Variants in BCL2L11 observed in about 807,000 individuals in gnomAD.
The protein encoded by BCL2L11 is bcl-2-like protein 11.
A neutral mutation model predicts 20.6 loss-of-function variants in BCL2L11; 15 were observed. That is an observed-to-expected ratio of 0.73 (90% CI 0.49 to 1.12). The LOEUF (loss-of-function observed/expected upper bound fraction) is 1.12, where lower values mean the gene tolerates loss of function less well. Ranked by LOEUF, BCL2L11 falls within the 50% of genes most tolerant of loss-of-function variation. The pLI is 0.00. For synonymous variants in BCL2L11, 108 were observed against 92.8 expected, an observed-to-expected ratio of 1.16 and a Z score of -0.94; for missense variants, 292 against 260.9, an observed-to-expected ratio of 1.12 and a Z score of -0.82.
At chr2:111,139,431 T>C (rs1477179926) in intron 2 of BCL2L11, among the ~76,000 whole-genome samples, 1 of 152,256 alleles carries the variant, frequency 6.6e-6, no homozygotes, top group East Asian at 1.9e-4. Flanking sequence ...ACGTACTTTT[T>C]CCCAAAATAA....
Position 111,141,785 on chromosome 2 carries a change from G to A in BCL2L11, c.395-8259G>A, listed in dbSNP as rs10207934. Reference sequence around the variant, plus strand: ...GCCATCTGAGCTCACTGCAATCTCCGCCTCCCAGGTTCACGCGATTCTCCT... The same window carrying A: ...GCCATCTGAGCTCACTGCAATCTCCACCTCCCAGGTTCACGCGATTCTCCT... On this transcript the variant is annotated intron_variant, in intron 2 of 3. Coordinates refer to ENST00000393256, the MANE Select transcript of BCL2L11 (RefSeq NM_138621.5). Among the ~76,000 whole-genome samples, 1,463 of 150,112 alleles carry A rather than the reference G, an allele frequency of 9.7e-3. 31 individuals are homozygous for A. Among genetic ancestry groups the A allele is most frequent in the African/African-American group, 0.034 (1,371 of 40,712 alleles).
intron 2 of BCL2L11, chr2:111,144,548 G>C: frequency 6.5e-7 from 1 of 1,549,266 alleles, no homozygotes; most frequent in Non-Finnish European, 8.7e-7. Flanking sequence ...ACATAAGGGG[G>C]CTGGTCTGTT....
chr2:111,139,014 G>A (rs1432594606), intron 2 of BCL2L11, among the ~76,000 whole-genome samples: 1 of 152,166 alleles, frequency 6.6e-6, no homozygotes, highest in African/African-American at 2.4e-5. Context: ...ACTGCTTTCC[G>A]TGGAAAGGAG....
intron 2 of BCL2L11, chr2:111,130,261 C>T: frequency 3.7e-6 from 1 of 269,304 alleles, no homozygotes; most frequent in Non-Finnish European, 7.5e-6. Flanking sequence ...CGTACCACCA[C>T]ACCCAGCTAA....
At chr2:111,133,063 T>G (rs2074245899) in intron 2 of BCL2L11, among the ~76,000 whole-genome samples, 2 of 152,230 alleles carry the variant, frequency 1.3e-5, no homozygotes, top group Non-Finnish European at 1.5e-5. Flanking sequence ...GAAAACAGAT[T>G]CTTAACTGAA....
At chr2:111,130,252 G>A in intron 2 of BCL2L11, 2 of 281,262 alleles carry the variant, frequency 7.1e-6, no homozygotes, top group Non-Finnish European at 1.4e-5. Flanking sequence ...TTACAGGCAC[G>A]TACCACCACA....
chr2:111,142,881 T>A (rs779840986), intron 2 of BCL2L11, among the ~76,000 whole-genome samples: 3 of 152,234 alleles, frequency 2.0e-5, no homozygotes, highest in Non-Finnish European at 2.9e-5. Flanking sequence ...TACAGTAACT[T>A]CAAATTAAGC....
chr2:111,164,073 C>A, intron 3 of BCL2L11, 60 bp from the exon 4 acceptor site: 1 of 652,616 alleles, frequency 1.5e-6, no homozygotes. Flanking sequence ...ATATGGGCTC[C>A]CACCCCTCCC....
At chr2:111,160,285 C>T (rs2078399363) in intron 3 of BCL2L11, among the ~76,000 whole-genome samples, 1 of 152,124 alleles carries the variant, frequency 6.6e-6, no homozygotes, top group South Asian at 2.1e-4. Flanking sequence ...GGTTTTTTTC[C>T]CTCTCATTTT....
At chr2:111,147,177 A>C (rs182660586) in intron 2 of BCL2L11, among the ~76,000 whole-genome samples, 55 of 152,320 alleles carry the variant, frequency 3.6e-4, no homozygotes, top group Admixed American at 1.0e-3. Context: ...ATCTTTGCTT[A>C]ATACAACTCT....
chr2:111,153,387 T>A (rs186033228), intron 3 of BCL2L11, among the ~76,000 whole-genome samples: 1 of 151,654 alleles, frequency 6.6e-6, no homozygotes, highest in African/African-American at 2.4e-5. Flanking sequence ...AAAAAAAAAA[T>A]AGTTCAAAAC....
chr2:111,122,228 A>T (rs973470629), intron 1 of BCL2L11, among the ~76,000 whole-genome samples: 2 of 152,226 alleles, frequency 1.3e-5, no homozygotes, highest in African/African-American at 4.8e-5. Context: ...GGCCAAAACA[A>T]GGACAAGTGG....
At chr2:111,151,991 GT>G in intron 3 of BCL2L11, 1 of 1,058,652 alleles carries the variant, frequency 9.4e-7, no homozygotes, top group Non-Finnish European at 1.4e-6. Flanking sequence ...GGATTTTGGT[GT>G]TCCTGTGTGT....
At chr2:111,126,074 T>C (rs1326171803) in intron 2 of BCL2L11, among the ~76,000 whole-genome samples, 1 of 152,182 alleles carries the variant, frequency 6.6e-6, no homozygotes, top group African/African-American at 2.4e-5. Flanking sequence ...TTAAGCTATT[T>C]TCTCTAACCA....
At chr2:111,130,109 C>CTTTT in intron 2 of BCL2L11, 120 of 340,880 alleles carry the variant, frequency 3.5e-4, no homozygotes, top group South Asian at 4.5e-4. Context: ...TTTTACTTCT[C>CTTTT]TTTTTTTTTT....
At chr2:111,157,590 G>C (rs1296660293) in intron 3 of BCL2L11, among the ~76,000 whole-genome samples, 2 of 152,142 alleles carry the variant, frequency 1.3e-5, no homozygotes, top group Non-Finnish European at 2.9e-5. Flanking sequence ...TTGTTCCCCA[G>C]TTTAGCCAGC....
At chr2:111,164,094 T>TA in intron 3 of BCL2L11, 39 bp from the exon 4 acceptor site, 9 of 565,948 alleles carry the variant, frequency 1.6e-5, no homozygotes, top group Non-Finnish European at 2.4e-5. Flanking sequence ...CACCCCCAAA[T>TA]TAGGGAGAAA....
rs1553483233 is a variant in BCL2L11, at chr2:111,120,979, T to TGCCGCCGCCGCCGCTGCC, written c.-209_-208insTGCCGCCGCCGCCGCCGC. ...GCTCTGCGTCCAGCGCCGCTGCCGC[T>TGCCGCCGCCGCCGCTGCC]GCCGCCGCCGCCGCCGCCGCCGCCG... On this transcript the variant is annotated 5_prime_UTR_variant, in exon 1 of 4. Coordinates refer to ENST00000393256, the MANE Select transcript of BCL2L11 (RefSeq NM_138621.5). 4 of 305,242 alleles carry TGCCGCCGCCGCCGCTGCC rather than the reference T, an allele frequency of 1.3e-5. No homozygotes were observed. The highest frequency in any genetic ancestry group is 9.5e-5 in the African/African-American group (4 of 42,286). 18.9% of individuals were successfully genotyped at this position (305,242 alleles called of 1,614,324 possible). A position where few individuals can be genotyped will look rare whatever the true frequency, so the allele number is the denominator to read the frequency against.
chr2:111,142,019 T>C (rs902079636), intron 2 of BCL2L11, among the ~76,000 whole-genome samples: 9 of 152,120 alleles, frequency 5.9e-5, no homozygotes, highest in Non-Finnish European at 1.2e-4. Context: ...CCCAATTCTA[T>C]CTGTATCACA....
Sources: allele counts gnomAD v4.1 joint callset (sites outside exome capture counted in the v4.1 genomes callset), GRCh38; gene constraint gnomAD v4.1.1; transcripts MANE v1.5; gene names NCBI Gene and HGNC (gene_info 2026-07-23, HGNC 2026-07-21).